Variants in CHAF1B observed in about 807,000 individuals in gnomAD.
CHAF1B encodes CAF-1 subunit B.
CHAF1B carries 10 observed loss-of-function variants against 60.7 expected under a neutral mutation model. That is an observed-to-expected ratio of 0.16 (90% CI 0.10 to 0.28). CHAF1B has a LOEUF of 0.28. Ranked by LOEUF, CHAF1B falls within the 10% of genes least tolerant of loss-of-function variation. The pLI, the probability that CHAF1B is intolerant of heterozygous loss-of-function variation, is 1.00. For missense variants in CHAF1B, 558 were observed against 708.4 expected (o/e 0.79, Z 2.41); for synonymous variants, 261 against 266.1 (o/e 0.98, Z 0.19).
In CHAF1B at chr21:36,413,251, A is replaced by G. The variant is rs1003991495; in HGVS notation, c.1429A>G (p.Lys477Glu). The G allele has an allele frequency of 2.5e-6, 4 of 1,613,670 alleles. No individual in the cohort carries two copies. The African/African-American group carries it at 4.0e-5, about 16-fold the overall frequency. Residue 477 changes from lysine (K) to glutamate (E), a missense_variant, in exon 12 of 14, where the codon AAA (lysine) becomes GAA (glutamate). Coordinates refer to ENST00000314103, the MANE Select transcript of CHAF1B (RefSeq NM_005441.3). ...KTLQPSSQNT[K>E]AHPSRRVTLN... ...CCTGCAGCCCAGTAGTCAAAACACA[A>G]AAGCCCACCCATCCCGGAGGGTCAC...
chr21:36,391,741 T>A (rs897112206), intron 4 of CHAF1B, 73 bp downstream of exon 4: 29 of 974,482 alleles, frequency 3.0e-5, no homozygotes, highest in Middle Eastern at 4.5e-4. Flanking sequence ...CCTTTTGACT[T>A]TTTTTTTCTT....
intron 3 of CHAF1B, among the ~76,000 whole-genome samples, chr21:36,388,412 C>A (rs1264338192): frequency 6.7e-6 from 1 of 149,700 alleles, no homozygotes; most frequent in East Asian, 2.0e-4. Flanking sequence ...TTCTGTGTCT[C>A]TGTGTAATTA....
intron 12 of CHAF1B, among the ~76,000 whole-genome samples, chr21:36,414,960 T>C (rs1232783467): frequency 2.6e-5 from 4 of 152,190 alleles, no homozygotes; most frequent in African/African-American, 9.6e-5. Context: ...CGACGCTTTC[T>C]ATATATAGAA....
chr21:36,415,274 C>CT (rs752443347), intron 12 of CHAF1B, 21 bp from the exon 13 acceptor site: 41,288 of 1,152,274 alleles, frequency 0.036, no homozygotes, highest in Non-Finnish European at 0.039. Context: ...CACCCCTCTA[C>CT]TTTTTTTTTT....
intron 7 of CHAF1B, among the ~76,000 whole-genome samples, chr21:36,399,963 GAGGTC>G (rs1485248080): frequency 6.6e-6 from 1 of 152,230 alleles, no homozygotes; most frequent in Non-Finnish European, 1.5e-5. Context: ...CGGATCACTT[GAGGTC>G]AGGAGTTTGA....
At chr21:36,389,919 G>A (rs1283849831) in intron 3 of CHAF1B, among the ~76,000 whole-genome samples, 18 of 152,236 alleles carry the variant, frequency 1.2e-4, no homozygotes. Flanking sequence ...AAGTCCCTTG[G>A]TCTTGGAGGC....
At position 36,413,330 on chromosome 21, in the gene CHAF1B, G is replaced by C. The variant is rs772334780; in HGVS notation, c.1493+15G>C. 6.5e-7 allele frequency: 1 copy of C among 1,537,152 alleles called. No individual in the cohort carries two copies. The highest frequency in any genetic ancestry group is 2.3e-5 in the East Asian group (1 of 44,096). On this transcript the variant is annotated intron_variant, in intron 12 of 13. Transcript: ENST00000314103. ...ACAACACCCCGGTAAGAACTTGTTGGAACAAGATGTCATTGCAAAATGAAA... is the reference window on the plus strand; with the variant it reads ...ACAACACCCCGGTAAGAACTTGTTGCAACAAGATGTCATTGCAAAATGAAA...
At chr21:36,402,654 T>A in intron 7 of CHAF1B, 104 bp from the exon 8 acceptor site, 5 of 840,714 alleles carry the variant, frequency 5.9e-6, no homozygotes, top group Non-Finnish European at 9.6e-6. Flanking sequence ...ATATAGCAGT[T>A]GGGAAGCGTT....
At chr21:36,389,473 G>T (rs748973823) in intron 3 of CHAF1B, among the ~76,000 whole-genome samples, 1 of 151,862 alleles carries the variant, frequency 6.6e-6, no homozygotes, top group Non-Finnish European at 1.5e-5. Context: ...GGGCATGGTG[G>T]TGCGCTCCTA....
At position 36,413,159 on chromosome 21, in the gene CHAF1B, T is replaced by C; in HGVS notation, c.1337T>C (p.Ile446Thr). The C allele has an allele frequency of 6.2e-7, 1 of 1,613,742 alleles. No individual in the cohort carries two copies. The highest frequency in any genetic ancestry group is 8.5e-7 in the Non-Finnish European group (1 of 1,179,944). The change falls in exon 12 of 14, where the codon ATC becomes ACC. Residue 446 changes from isoleucine to threonine, a missense_variant. Ile to Thr is a moderately conservative substitution (Grantham distance 89). Transcript: ENST00000314103. ...QARQAPAPTVIRDPPSITPAV... is the reference protein window; with the variant it reads ...QARQAPAPTVTRDPPSITPAV... Reference sequence around the variant, plus strand: ...AGACAGGCCCCAGCCCCAACAGTCATCAGGGACCCTCCCTCCATCACTCCT... The same window carrying C: ...AGACAGGCCCCAGCCCCAACAGTCACCAGGGACCCTCCCTCCATCACTCCT...
intron 8 of CHAF1B, among the ~76,000 whole-genome samples, chr21:36,407,407 A>C (rs558395919): frequency 2.0e-5 from 3 of 152,322 alleles, no homozygotes; most frequent in South Asian, 4.1e-4. Context: ...AGGCTGGGTG[A>C]ATGAATCTTG....
rs994168933 is a variant in CHAF1B, at chr21:36,391,439, G to C, written c.260-112G>C. ...AGATTGCGCCACTGCACTCCAGCCT[G>C]GGCGACAGGGTGAGACTCCGTCTCA... On this transcript the variant is annotated intron_variant, in intron 3 of 13. Transcript: ENST00000314103. 1.2e-5 allele frequency: 7 copies of C among 584,586 alleles called. No homozygotes were observed. In the African/African-American group the frequency reaches 1.4e-4, roughly 11 times the overall value. The allele number at this position is 584,586 out of a possible 1,614,324, so 36.2% of individuals were successfully genotyped here. A position where few individuals can be genotyped will look rare whatever the true frequency, so the allele number is the denominator to read the frequency against.
intron 6 of CHAF1B, chr21:36,398,321 T>C (rs753332541): frequency 1.2e-4 from 19 of 152,146 alleles, no homozygotes; most frequent in Admixed American, 1.1e-3. Flanking sequence ...CCCAAAGTGC[T>C]AAGATTACAG....
chr21:36,415,838 C>T (rs559900579), intron 13 of CHAF1B: 122 of 374,512 alleles, frequency 3.3e-4, no homozygotes, highest in Non-Finnish European at 4.9e-4. Context: ...CTGCAGCCTC[C>T]ACCTCCCACG....
chr21:36,388,274 C>T (rs990882428), intron 3 of CHAF1B, among the ~76,000 whole-genome samples: 6 of 152,220 alleles, frequency 3.9e-5, no homozygotes, highest in African/African-American at 1.2e-4. Context: ...GCTGCTTTCC[C>T]GCAAGCTCCC....
At chr21:36,405,483 G>C (rs1372441553) in intron 8 of CHAF1B, among the ~76,000 whole-genome samples, 2 of 152,090 alleles carry the variant, frequency 1.3e-5, no homozygotes, top group African/African-American at 4.8e-5. Flanking sequence ...CTGGAGTACA[G>C]TGGTGTGATC....
Position 36,413,080 on chromosome 21 carries a change from C to G in CHAF1B, c.1258C>G (p.Pro420Ala), listed in dbSNP as rs201581262. Residue 420 changes from proline to alanine, a missense_variant, in exon 12 of 14, where the codon CCT becomes GCT. Pro to Ala is a conservative substitution (Grantham distance 27, BLOSUM62 -1). Around this residue, in one of 2 missense-constraint regions of CHAF1B, gnomAD observed 233 missense variants for 214.9 expected, o/e 1.08. Coordinates refer to ENST00000314103, the MANE Select transcript of CHAF1B (RefSeq NM_005441.3). Reference sequence around the variant, plus strand: ...AGGACCCAGACCGGTAGAGGGAACCCCTGCCAGCAGAACCCAAGACCCCAG... The same window carrying G: ...AGGACCCAGACCGGTAGAGGGAACCGCTGCCAGCAGAACCCAAGACCCCAG... ...SPGPRPVEGT[P>A]ASRTQDPSSP... 8.1e-6 allele frequency: 13 copies of G among 1,614,122 alleles called. 1 individual carries two copies. In the African/African-American group the frequency reaches 1.7e-4, roughly 22 times the overall value.
At chr21:36,416,212 G>A (rs2146379797) in intron 13 of CHAF1B, 63 bp from the exon 14 acceptor site, 2 of 1,394,458 alleles carry the variant, frequency 1.4e-6, no homozygotes, top group East Asian at 2.3e-5. Context: ...TTCTGTAAAT[G>A]TCAGCCCTTG....
chr21:36,416,158 A>G (rs776991651), intron 13 of CHAF1B, 117 bp from the exon 14 acceptor site: 2 of 855,230 alleles, frequency 2.3e-6, no homozygotes, highest in Non-Finnish European at 1.8e-6. Context: ...TTATATCAGT[A>G]TAGGATCTTG....
Sources: gnomAD v4.1 joint callset for allele counts (sites outside exome capture counted in the v4.1 genomes callset) on GRCh38, gnomAD v4.1.1 for gene constraint, gnomAD v4.1.1 regional missense constraint, MANE v1.5 for transcripts, NCBI Gene and HGNC (gene_info 2026-07-23, HGNC 2026-07-21) for gene names.